Variants in AGBL1 observed in about 807,000 individuals in gnomAD.
The protein encoded by AGBL1 is cytosolic carboxypeptidase 4.
AGBL1 carries 130 observed loss-of-function variants against 118.9 expected under a neutral mutation model. The observed-to-expected ratio is 1.09, with a 90% CI of 0.95 to 1.26. AGBL1 has a LOEUF of 1.26. Among genes scored for constraint, AGBL1 ranks in the 50% most tolerant of loss-of-function variants. The probability of loss-of-function intolerance (pLI) is 0.00; values close to 1 mark genes in which losing one functional copy is unlikely to be tolerated. For synonymous variants in AGBL1, 555 were observed against 478.9 expected (o/e 1.16, Z -2.08); for missense variants, 1,584 against 1,298.1 (o/e 1.22, Z -3.38).
chr15:87,004,139 A>G (rs945673376), intron 24 of AGBL1, among the ~76,000 whole-genome samples: 1 of 152,222 alleles, frequency 6.6e-6, no homozygotes, highest in East Asian at 1.9e-4. Flanking sequence ...TGCTTTAAAT[A>G]TGTCCCAGAG....
rs527930708 is a variant in AGBL1, at chr15:86,762,805, A to G, written c.3158+88369A>G. Among the ~76,000 whole-genome samples, 7 of 152,070 alleles carry G rather than the reference A, an allele frequency of 4.6e-5. No homozygotes were observed. In the South Asian group the frequency reaches 1.5e-3, roughly 32 times the overall value. On this transcript the variant is annotated intron_variant, in intron 22 of 22. Coordinates refer to ENST00000614907, the MANE Select transcript of AGBL1 (RefSeq NM_001386094.1). ...CAACTCAAAGAATGCATTATTTTCTACCTATCCTTGGTGTTCCTCCTTGTG... is the reference window on the plus strand; with the variant it reads ...CAACTCAAAGAATGCATTATTTTCTGCCTATCCTTGGTGTTCCTCCTTGTG...
intron 18 of AGBL1, among the ~76,000 whole-genome samples, chr15:86,400,983 G>T (rs1015865344): frequency 5.9e-5 from 9 of 152,094 alleles, no homozygotes; most frequent in Admixed American, 2.6e-4. Flanking sequence ...CCCCAGTAGT[G>T]GGATTACTGG....
At chr15:86,747,759 G>T (rs1016971629) in intron 22 of AGBL1, among the ~76,000 whole-genome samples, 1 of 152,106 alleles carries the variant, frequency 6.6e-6, no homozygotes, top group Non-Finnish European at 1.5e-5. Flanking sequence ...ATACTTTGCT[G>T]AGAATGATGG....
At chr15:86,860,481 C>A (rs1341890789) in intron 22 of AGBL1, among the ~76,000 whole-genome samples, 2 of 151,616 alleles carry the variant, frequency 1.3e-5, no homozygotes, top group African/African-American at 2.4e-5. Flanking sequence ...CTCTTTCCTA[C>A]CAGCTGAGAA....
intron 18 of AGBL1, among the ~76,000 whole-genome samples, chr15:86,431,110 T>C (rs1229972753): frequency 6.6e-6 from 1 of 152,060 alleles, no homozygotes; most frequent in East Asian, 1.9e-4. Flanking sequence ...TTGTTAGCAG[T>C]GACCTTACTG....
chr15:86,271,003 T>A (rs1257489936), intron 14 of AGBL1, among the ~76,000 whole-genome samples: 2 of 151,780 alleles, frequency 1.3e-5, no homozygotes, highest in African/African-American at 4.9e-5. Flanking sequence ...AAGCTAGTAG[T>A]GTTGCATCTT....
rs763607389 is a variant in AGBL1 at position 86,907,337 on chromosome 15, T to G, written c.*43T>G. On this transcript the variant is annotated 3_prime_UTR_variant, in exon 23 of 23. Coordinates refer to ENST00000614907, the MANE Select transcript of AGBL1 (RefSeq NM_001386094.1). ...AGTTCTGTGTCTCCAACCATTGGAT[T>G]GGACTAGCAGCTGTGTTGCTGCTTC... 2 of 152,196 alleles carry G rather than the reference T, an allele frequency of 1.3e-5. No individual in the cohort carries two copies. The highest frequency in any genetic ancestry group is 4.8e-5 in the African/African-American group (2 of 41,450). 9.4% of individuals were successfully genotyped at this position (152,196 alleles called of 1,614,324 possible). A position where few individuals can be genotyped will look rare whatever the true frequency, so the allele number is the denominator to read the frequency against.
chr15:86,785,740 C>T (rs1015942095), intron 22 of AGBL1, among the ~76,000 whole-genome samples: 1 of 152,064 alleles, frequency 6.6e-6, no homozygotes, highest in Non-Finnish European at 1.5e-5. Flanking sequence ...CAGATATCAG[C>T]AATGAAGCAG....
At chr15:86,221,656 A>G (rs2141919966) in intron 5 of AGBL1, among the ~76,000 whole-genome samples, 1 of 152,248 alleles carries the variant, frequency 6.6e-6, no homozygotes, top group East Asian at 1.9e-4. Flanking sequence ...CGTATGGGAG[A>G]TGAAGTGCTT....
At chr15:86,439,093 T>A (rs1389813122) in intron 18 of AGBL1, among the ~76,000 whole-genome samples, 1 of 151,974 alleles carries the variant, frequency 6.6e-6, no homozygotes, top group African/African-American at 2.4e-5. Flanking sequence ...GGTGGAAGAG[T>A]CCCGATGAGG....
At chr15:86,554,774 C>G (rs896995406) in intron 21 of AGBL1, among the ~76,000 whole-genome samples, 4 of 152,294 alleles carry the variant, frequency 2.6e-5, no homozygotes, top group Admixed American at 6.5e-5. Context: ...GCTGCCCTCA[C>G]TAGCAAGCAG....
intron 22 of AGBL1, among the ~76,000 whole-genome samples, chr15:86,889,972 ACT>A (rs1889310093): frequency 6.6e-6 from 1 of 152,170 alleles, no homozygotes; most frequent in African/African-American, 2.4e-5. Flanking sequence ...AATCACCCAC[ACT>A]GTCTTCCACA....
chr15:86,399,050 G>T (rs1417544554), intron 18 of AGBL1, among the ~76,000 whole-genome samples: 1 of 152,068 alleles, frequency 6.6e-6, no homozygotes, highest in Non-Finnish European at 1.5e-5. Context: ...CAGAGAGCAG[G>T]GTTTCTTCTC....
chr15:86,982,911 T>C (rs2081246198), intron 23 of AGBL1, among the ~76,000 whole-genome samples: 1 of 152,202 alleles, frequency 6.6e-6, no homozygotes, highest in Non-Finnish European at 1.5e-5. Context: ...CTTCATGCTG[T>C]TCAAGGATCA....
chr15:86,220,725 G>T (rs2078267434), intron 5 of AGBL1, among the ~76,000 whole-genome samples: 1 of 152,170 alleles, frequency 6.6e-6, no homozygotes, highest in Non-Finnish European at 1.5e-5. Context: ...GGAGCAAGAT[G>T]TTCTGCAAAA....
At chr15:86,643,835 T>A (rs1184296891) in intron 21 of AGBL1, among the ~76,000 whole-genome samples, 1 of 152,210 alleles carries the variant, frequency 6.6e-6, no homozygotes, top group East Asian at 1.9e-4. Context: ...CTAAATAGTT[T>A]ACTATTTTGT....
At chr15:86,949,279 T>A (rs949157513) in intron 23 of AGBL1, among the ~76,000 whole-genome samples, 1 of 152,162 alleles carries the variant, frequency 6.6e-6, no homozygotes, top group Non-Finnish European at 1.5e-5. Flanking sequence ...AAATTTGAAA[T>A]CTGTTTGAAG....
chr15:86,921,433 T>G (rs2080480885), intron 23 of AGBL1, among the ~76,000 whole-genome samples: 1 of 152,210 alleles, frequency 6.6e-6, no homozygotes, highest in African/African-American at 2.4e-5. Context: ...AAGATGTAAT[T>G]TTTAGTTTCT....
chr15:86,339,089 T>A (rs1488068581), intron 17 of AGBL1, among the ~76,000 whole-genome samples: 1 of 152,208 alleles, frequency 6.6e-6, no homozygotes, highest in Admixed American at 6.5e-5. Flanking sequence ...CATTGCTTTA[T>A]GATCCTTCAT....
Sources: gnomAD v4.1 joint callset for allele counts (sites outside exome capture counted in the v4.1 genomes callset) on GRCh38, gnomAD v4.1.1 for gene constraint, MANE v1.5 for transcripts, NCBI Gene and HGNC (gene_info 2026-07-23, HGNC 2026-07-21) for gene names.